COLGALT2: variants seen among roughly 807,000 people sequenced by gnomAD.
COLGALT2 encodes collagen beta(1-O)galactosyltransferase 2, also known as procollagen galactosyltransferase 2.
COLGALT2 carries 49 observed loss-of-function variants against 73.4 expected under a neutral mutation model. The observed-to-expected ratio is 0.67, with a 90% CI of 0.53 to 0.85. The LOEUF is 0.85. COLGALT2 is among the 40% of genes least tolerant of loss of function. The pLI, the probability that COLGALT2 is intolerant of heterozygous loss-of-function variation, is 0.00. For synonymous variants in COLGALT2, 295 were observed against 307.6 expected, an observed-to-expected ratio of 0.96 and a Z score of 0.43; for missense variants, 722 against 790.2, an observed-to-expected ratio of 0.91 and a Z score of 1.03.
chr1:184,031,236 C>T (rs1206149129), intron 1 of COLGALT2, among the ~76,000 whole-genome samples: 2 of 152,202 alleles, frequency 1.3e-5, no homozygotes, highest in African/African-American at 4.8e-5. Context: ...GTAGCCAATA[C>T]GTGTATGATT....
intron 1 of COLGALT2, among the ~76,000 whole-genome samples, chr1:184,025,464 A>T (rs2102858057): frequency 6.6e-6 from 1 of 152,248 alleles, no homozygotes; most frequent in African/African-American, 2.4e-5. Flanking sequence ...CAAAACACAT[A>T]CTGTAGGAAG....
At chr1:184,006,911 C>T (rs12567257) in intron 1 of COLGALT2, among the ~76,000 whole-genome samples, 20,688 of 152,220 alleles carry the variant, frequency 0.14, 2,068 homozygotes, top group African/African-American at 0.27. Context: ...TCACTTTAGA[C>T]CAGTCAGTAG....
chr1:184,004,307 A>G (rs1672010435), intron 1 of COLGALT2, among the ~76,000 whole-genome samples: 1 of 152,218 alleles, frequency 6.6e-6, no homozygotes, highest in Admixed American at 6.5e-5. Context: ...AAGTCTGGTA[A>G]TAATAGGAAA....
chr1:184,010,934 C>T (rs184057314), intron 1 of COLGALT2, among the ~76,000 whole-genome samples: 149 of 152,188 alleles, frequency 9.8e-4, no homozygotes, highest in Non-Finnish European at 1.7e-3. Context: ...CCAATAGTGC[C>T]CTCCAGCCAG....
intron 3 of COLGALT2, 122 bp downstream of exon 3, chr1:183,974,975 T>C (rs1671148018): frequency 1.5e-6 from 1 of 660,464 alleles, no homozygotes. Flanking sequence ...TCTTAAAAAG[T>C]GGGGGAGGCA....
chr1:184,018,619 A>C (rs890403631), intron 1 of COLGALT2, among the ~76,000 whole-genome samples: 2 of 152,206 alleles, frequency 1.3e-5, no homozygotes, highest in Non-Finnish European at 2.9e-5. Context: ...AACTTTTTTC[A>C]GACTATACAA....
At chr1:183,962,054 T>G (rs903034204) in intron 6 of COLGALT2, among the ~76,000 whole-genome samples, 3 of 151,976 alleles carry the variant, frequency 2.0e-5, no homozygotes, top group African/African-American at 7.3e-5. Context: ...GAATTTATAG[T>G]GTAGGAGCAA....
intron 7 of COLGALT2, among the ~76,000 whole-genome samples, chr1:183,954,031 A>T (rs1300048625): frequency 6.6e-6 from 1 of 152,214 alleles, no homozygotes; most frequent in Non-Finnish European, 1.5e-5. Context: ...GCACTGCCCT[A>T]GCTTCTAGAC....
intron 1 of COLGALT2, among the ~76,000 whole-genome samples, chr1:184,006,387 C>G (rs950696373): frequency 1.3e-5 from 2 of 152,034 alleles, no homozygotes; most frequent in African/African-American, 4.8e-5. Context: ...GAGTTGAAGA[C>G]AAGCCTGATC....
At chr1:183,975,830 C>T (rs1407738131) in intron 2 of COLGALT2, among the ~76,000 whole-genome samples, 1 of 152,176 alleles carries the variant, frequency 6.6e-6, no homozygotes, top group Admixed American at 6.5e-5. Flanking sequence ...GGAGCACGCT[C>T]CAAAACCCTT....
chr1:183,953,513 T>G (rs1340593658), intron 7 of COLGALT2, among the ~76,000 whole-genome samples: 1 of 152,144 alleles, frequency 6.6e-6, no homozygotes, highest in Non-Finnish European at 1.5e-5. Flanking sequence ...GAGAAATGAA[T>G]CTATGTAAGG....
chr1:184,028,244 G>A (rs945168653), intron 1 of COLGALT2, among the ~76,000 whole-genome samples: 1 of 152,152 alleles, frequency 6.6e-6, no homozygotes, highest in Non-Finnish European at 1.5e-5. Flanking sequence ...AAGAATTTAA[G>A]TTCTACTGTT....
intron 1 of COLGALT2, among the ~76,000 whole-genome samples, chr1:183,982,367 A>G (rs1300192273): frequency 6.6e-6 from 1 of 152,178 alleles, no homozygotes; most frequent in Non-Finnish European, 1.5e-5. Flanking sequence ...AGCAAAAGTC[A>G]CATCCTTTGT....
At chr1:184,034,427 C>A (rs545702365) in intron 1 of COLGALT2, among the ~76,000 whole-genome samples, 5 of 152,150 alleles carry the variant, frequency 3.3e-5, no homozygotes, top group Non-Finnish European at 7.4e-5. Flanking sequence ...CATATCCATA[C>A]AACTGCCCCA....
At chr1:184,027,812 T>G (rs1649374772) in intron 1 of COLGALT2, among the ~76,000 whole-genome samples, 2 of 152,222 alleles carry the variant, frequency 1.3e-5, no homozygotes, top group Non-Finnish European at 2.9e-5. Flanking sequence ...CTAACAAGAT[T>G]GAGGAAAGGC....
intron 1 of COLGALT2, among the ~76,000 whole-genome samples, chr1:184,024,255 C>T (rs1649261178): frequency 6.6e-6 from 1 of 151,990 alleles, no homozygotes; most frequent in African/African-American, 2.4e-5. Flanking sequence ...TGGTACATGA[C>T]ATAGACAATG....
chr1:183,930,098 A>G (rs1669807683), exon 12 of COLGALT2: 1 of 407,802 alleles, frequency 2.5e-6, no homozygotes, highest in East Asian at 7.2e-5. Context: ...TTCACAGCCC[A>G]TCAACCAGTC....
chr1:184,007,156 A>G (rs775293585), intron 1 of COLGALT2, among the ~76,000 whole-genome samples: 1 of 152,218 alleles, frequency 6.6e-6, no homozygotes, highest in African/African-American at 2.4e-5. Context: ...GCAGAGCACA[A>G]TGCAATGCTG....
At chr1:183,934,939 A>G (rs1169020973), downstream of COLGALT2, among the ~76,000 whole-genome samples, 1 of 152,174 alleles carries the variant, frequency 6.6e-6, no homozygotes, top group Non-Finnish European at 1.5e-5. Context: ...TGAGAAGGAG[A>G]CAGCCCTGAG....
Sources: gnomAD v4.1 joint callset for allele counts (sites outside exome capture counted in the v4.1 genomes callset) on GRCh38, gnomAD v4.1.1 for gene constraint, MANE v1.5 for transcripts, NCBI Gene and HGNC (gene_info 2026-07-23, HGNC 2026-07-21) for gene names.